The following MAD1L1 variants were observed in gnomAD, a reference collection of about 807,000 sequenced individuals.
MAD1L1 encodes the protein mitotic spindle assembly checkpoint protein MAD1.
MAD1L1 carries 95 observed loss-of-function variants against 96.9 expected under a neutral mutation model. The observed-to-expected ratio is 0.98, with a 90% confidence interval of 0.83 to 1.16. The LOEUF (loss-of-function observed/expected upper bound fraction) is 1.16. Ranked by LOEUF, MAD1L1 falls within the 50% of genes most tolerant of loss-of-function variation. The pLI is 0.00. For synonymous variants in MAD1L1, 473 were observed against 396.6 expected, an observed-to-expected ratio of 1.19 and a Z score of -2.29; for missense variants, 1,007 against 954.4, an observed-to-expected ratio of 1.06 and a Z score of -0.73.
chr7:1,975,777 CCT>C (rs766276833), intron 15 of MAD1L1, among the ~76,000 whole-genome samples: 21 of 152,196 alleles, frequency 1.4e-4, no homozygotes, highest in Non-Finnish European at 2.8e-4. Flanking sequence ...CCTCTCGTCC[CCT>C]GAGGCAGGCC....
intron 16 of MAD1L1, among the ~76,000 whole-genome samples, chr7:1,956,636 C>G (rs544234466): frequency 1.2e-4 from 1 of 8,574 alleles, no homozygotes; most frequent in Non-Finnish European, 7.5e-3. Context: ...TCACAGGTGA[C>G]ACTGCCAGCC....
At chr7:2,226,566 C>G (rs536271834) in intron 3 of MAD1L1, among the ~76,000 whole-genome samples, 4 of 152,354 alleles carry the variant, frequency 2.6e-5, no homozygotes, top group Admixed American at 2.0e-4. Context: ...CCTTTGGGTA[C>G]GACCTGCTCA....
intron 12 of MAD1L1, among the ~76,000 whole-genome samples, chr7:2,060,379 C>T (rs904892014): frequency 4.0e-5 from 6 of 150,632 alleles, no homozygotes; most frequent in East Asian, 2.0e-4. Flanking sequence ...ACACCGATGC[C>T]GAGATGTCAA....
chr7:2,105,178 T>G (rs1787024571), intron 11 of MAD1L1, among the ~76,000 whole-genome samples: 1 of 151,884 alleles, frequency 6.6e-6, no homozygotes, highest in Non-Finnish European at 1.5e-5. Context: ...ACCGTCCTGC[T>G]TGGGGATATT....
At chr7:2,080,424 C>A (rs1456321934) in intron 11 of MAD1L1, among the ~76,000 whole-genome samples, 1 of 152,198 alleles carries the variant, frequency 6.6e-6, no homozygotes, top group African/African-American at 2.4e-5. Context: ...GCATGTCCCC[C>A]ACAAGAGAGC....
chr7:1,923,509 G>A (rs1261378185), intron 17 of MAD1L1, among the ~76,000 whole-genome samples: 5 of 151,156 alleles, frequency 3.3e-5, no homozygotes, highest in Middle Eastern at 3.4e-3. Context: ...GCGCTCTTCC[G>A]CCCCGGCACC....
chr7:1,906,886 G>A (rs761901724), intron 17 of MAD1L1, among the ~76,000 whole-genome samples: 15 of 152,302 alleles, frequency 9.8e-5, no homozygotes, highest in Admixed American at 2.0e-4. Flanking sequence ...ACTGCTGAAC[G>A]TCCGTTTATC....
Position 2,204,993 on chromosome 7 carries a change from G to A in MAD1L1, c.986+8219C>T, listed in dbSNP as rs114113512. Among the ~76,000 whole-genome samples, 147 of 151,792 alleles carry A rather than the reference G, an allele frequency of 9.7e-4. 1 individual carries two copies. Among genetic ancestry groups the A allele is most frequent in the African/African-American group, 3.4e-3 (140 of 41,328 alleles). Reference sequence around the variant, plus strand: ...ATTGGGTGCCCAGTGGTATCTCACTGCAGTCTTGAAACCGCCTTTACAGAA... The same window carrying A: ...ATTGGGTGCCCAGTGGTATCTCACTACAGTCTTGAAACCGCCTTTACAGAA... On this transcript the variant is annotated intron_variant, in intron 10 of 18. Coordinates refer to ENST00000265854, the MANE Select transcript of MAD1L1 (RefSeq NM_001013836.2).
At chr7:1,980,640 C>A (rs1406961840) in intron 14 of MAD1L1, 99 bp from the exon 15 acceptor site, 3 of 936,452 alleles carry the variant, frequency 3.2e-6, no homozygotes, top group East Asian at 5.2e-5. Flanking sequence ...TGGCAGCACC[C>A]CCGCCCTGGG....
chr7:1,952,394 G>A (rs759979448), intron 16 of MAD1L1, among the ~76,000 whole-genome samples: 9 of 152,194 alleles, frequency 5.9e-5, no homozygotes, highest in Admixed American at 2.0e-4. Context: ...CCTTGGTCCC[G>A]CCAGGACCTA....
chr7:2,127,226 C>T (rs538094976), intron 11 of MAD1L1, among the ~76,000 whole-genome samples: 3 of 152,286 alleles, frequency 2.0e-5, no homozygotes, highest in South Asian at 2.1e-4. Flanking sequence ...ACAGAGAAGA[C>T]GTCCCCGCCC....
At chr7:2,220,787 G>T in intron 5 of MAD1L1, 1 of 1,228,784 alleles carries the variant, frequency 8.1e-7, no homozygotes. Context: ...CAACAGTGAA[G>T]CATCAACCTG....
intron 16 of MAD1L1, among the ~76,000 whole-genome samples, chr7:1,955,029 G>A (rs1161247299): frequency 2.0e-5 from 3 of 152,204 alleles, no homozygotes; most frequent in African/African-American, 7.2e-5. Context: ...GACCTCCCAG[G>A]CCTGGTCTCC....
At chr7:1,852,864 G>A (rs937921245) in intron 18 of MAD1L1, among the ~76,000 whole-genome samples, 1 of 152,198 alleles carries the variant, frequency 6.6e-6, no homozygotes, top group African/African-American at 2.4e-5. Context: ...AGCCGCACGT[G>A]CTGAGCCTGG....
At chr7:1,874,743 C>A (rs374039532) in intron 18 of MAD1L1, among the ~76,000 whole-genome samples, 12 of 152,016 alleles carry the variant, frequency 7.9e-5, no homozygotes, top group African/African-American at 2.9e-4. Context: ...CCCGCCTGGG[C>A]ACTTAGTGTA....
At chr7:2,045,146 C>T (rs1262788486) in intron 12 of MAD1L1, among the ~76,000 whole-genome samples, 1 of 151,996 alleles carries the variant, frequency 6.6e-6, no homozygotes, top group Non-Finnish European at 1.5e-5. Context: ...TGAAAGGCTC[C>T]GGCCTCCCAC....
At chr7:2,230,378 T>G (rs1794132661) in intron 2 of MAD1L1, 171 bp downstream of exon 2, 1 of 449,430 alleles carries the variant, frequency 2.2e-6, no homozygotes, top group Non-Finnish European at 4.1e-6. Context: ...AGCCACCAAT[T>G]GAGTCTCAGT....
intron 16 of MAD1L1, among the ~76,000 whole-genome samples, chr7:1,943,753 C>T (rs1779105426): frequency 6.6e-6 from 1 of 151,964 alleles, no homozygotes; most frequent in Non-Finnish European, 1.5e-5. Flanking sequence ...GAGAACTGCA[C>T]ACACATCTAC....
chr7:2,054,410 T>C (rs1254133383), intron 12 of MAD1L1, among the ~76,000 whole-genome samples: 1 of 152,078 alleles, frequency 6.6e-6, no homozygotes, highest in Admixed American at 6.5e-5. Context: ...ATTGTTTTGA[T>C]TTCACCGTAT....
Sources: allele counts gnomAD v4.1 joint callset (sites outside exome capture counted in the v4.1 genomes callset), GRCh38; gene constraint gnomAD v4.1.1; transcripts MANE v1.5; gene names NCBI Gene and HGNC (gene_info 2026-07-23, HGNC 2026-07-21).